The following DPYD variants were observed in gnomAD, a reference collection of about 807,000 sequenced individuals.
The protein encoded by DPYD is dihydropyrimidine dehydrogenase.
DPYD carries 109 observed loss-of-function variants against 116.2 expected under a neutral mutation model. The ratio of observed to expected loss-of-function variants is 0.94; its 90% confidence interval spans 0.80 to 1.10. DPYD has a LOEUF of 1.10. Among genes scored for constraint, DPYD ranks in the 50% least tolerant of loss-of-function variants. The probability of loss-of-function intolerance (pLI) is 0.00; values close to 1 mark genes in which losing one functional copy is unlikely to be tolerated. For missense variants in DPYD, 1,302 were observed against 1,254.5 expected (o/e 1.04, Z -0.57); for synonymous variants, 440 against 432.0 (o/e 1.02, Z -0.23).
At chr1:97,530,957 T>C (rs563387615) in intron 12 of DPYD, among the ~76,000 whole-genome samples, 11 of 152,332 alleles carry the variant, frequency 7.2e-5, no homozygotes, top group African/African-American at 2.2e-4. Flanking sequence ...ATTTTTAAAA[T>C]TGGACTATTT....
At chr1:97,413,503 A>C (rs1214383796) in intron 14 of DPYD, among the ~76,000 whole-genome samples, 1 of 152,072 alleles carries the variant, frequency 6.6e-6, no homozygotes, top group Admixed American at 6.6e-5. Context: ...TGGCTCTGTC[A>C]CCCAGGCTGG....
chr1:97,754,113 T>C (rs1229982628), intron 3 of DPYD, among the ~76,000 whole-genome samples: 2 of 152,202 alleles, frequency 1.3e-5, no homozygotes, highest in East Asian at 1.9e-4. Context: ...TTAATGAATA[T>C]GGGTGAAAAA....
At chr1:97,738,581 C>G (rs1664088742) in intron 4 of DPYD, among the ~76,000 whole-genome samples, 1 of 152,042 alleles carries the variant, frequency 6.6e-6, no homozygotes, top group Admixed American at 6.6e-5. Flanking sequence ...TGTGGGACAG[C>G]CTACATTGTA....
intron 1 of DPYD, among the ~76,000 whole-genome samples, chr1:97,919,539 T>C (rs566521690): frequency 6.6e-6 from 1 of 152,314 alleles, no homozygotes; most frequent in South Asian, 2.1e-4. Context: ...CTTAAATCAA[T>C]ACTGCCTTAA....
At chr1:97,874,189 T>C (rs1199263823) in intron 2 of DPYD, among the ~76,000 whole-genome samples, 1 of 151,914 alleles carries the variant, frequency 6.6e-6, no homozygotes, top group Non-Finnish European at 1.5e-5. Flanking sequence ...AATCCTTTGT[T>C]AGATGCACTC....
chr1:97,675,028 G>A (rs1660066883), intron 8 of DPYD, among the ~76,000 whole-genome samples: 1 of 152,224 alleles, frequency 6.6e-6, no homozygotes, highest in South Asian at 2.1e-4. Context: ...CAGTGTGAAC[G>A]TGCAAGCACA....
At chr1:97,767,775 T>TGCA (rs71311932) in intron 3 of DPYD, among the ~76,000 whole-genome samples, 4 of 148,182 alleles carry the variant, frequency 2.7e-5, no homozygotes, top group African/African-American at 7.7e-5. Flanking sequence ...TTTTTTTTTT[T>TGCA]GCAGCAGTTA....
At chr1:97,423,354 A>G (rs978921415) in intron 14 of DPYD, among the ~76,000 whole-genome samples, 26 of 152,050 alleles carry the variant, frequency 1.7e-4, no homozygotes, top group Non-Finnish European at 7.4e-5. Flanking sequence ...CCAAGTGGAA[A>G]GAGGGGTGTG....
intron 1 of DPYD, among the ~76,000 whole-genome samples, chr1:97,900,217 G>A (rs757620624): frequency 3.3e-5 from 5 of 151,864 alleles, no homozygotes; most frequent in Admixed American, 6.6e-5. Flanking sequence ...TATCAGAATG[G>A]AAAGACAGAA....
intron 5 of DPYD, among the ~76,000 whole-genome samples, chr1:97,718,765 A>C (rs1316705790): frequency 6.6e-6 from 1 of 151,408 alleles, no homozygotes; most frequent in Non-Finnish European, 1.5e-5. Flanking sequence ...TTTTCCAACA[A>C]TTCATTAATT....
Position 97,169,493 on chromosome 1 carries a change from T to C in DPYD, c.2622+23576A>G, listed in dbSNP as rs1169579708. Among the ~76,000 whole-genome samples the C allele has an allele frequency of 1.8e-4, 26 of 145,078 alleles. No individual in the cohort carries two copies. The Admixed American group carries it at 1.9e-3, about 10-fold the overall frequency. ...TGTGCTTCCAGATGCCTATGATAAT[T>C]GATTAGATTTTTTTGATATATTGGG... On this transcript the variant is annotated intron_variant, in intron 20 of 22. Transcript: ENST00000370192.
At chr1:97,477,498 GGGT>G (rs1678033331) in intron 13 of DPYD, among the ~76,000 whole-genome samples, 1 of 152,018 alleles carries the variant, frequency 6.6e-6, no homozygotes, top group Non-Finnish European at 1.5e-5. Flanking sequence ...GGCTACTGTA[GGGT>G]TATTAATTGG....
chr1:97,684,978 C>A, intron 7 of DPYD, among the ~76,000 whole-genome samples: 1 of 152,158 alleles, frequency 6.6e-6, no homozygotes, highest in East Asian at 1.9e-4. Context: ...CAAGGGACTT[C>A]TCCCTAACTC....
chr1:97,466,039 C>T (rs10783067), intron 13 of DPYD, among the ~76,000 whole-genome samples: 123,256 of 152,074 alleles, frequency 0.81, 50,372 homozygotes, highest in Non-Finnish European at 0.87. Flanking sequence ...AGGAAGAGGC[C>T]GCAGTAAGCT....
intron 10 of DPYD, among the ~76,000 whole-genome samples, chr1:97,578,642 A>G (rs1653436759): frequency 6.7e-6 from 1 of 148,424 alleles, no homozygotes; most frequent in Non-Finnish European, 1.5e-5. Flanking sequence ...TATATTTGAA[A>G]TAATGAGACT....
intron 14 of DPYD, among the ~76,000 whole-genome samples, chr1:97,409,933 C>T (rs1484076791): frequency 1.3e-5 from 2 of 151,944 alleles, no homozygotes; most frequent in Non-Finnish European, 2.9e-5. Context: ...CAAAAATTAG[C>T]TGGGTATGGT....
intron 8 of DPYD, among the ~76,000 whole-genome samples, chr1:97,606,456 C>A (rs887694686): frequency 6.6e-6 from 1 of 151,866 alleles, no homozygotes; most frequent in Non-Finnish European, 1.5e-5. Context: ...CATTCTAAAG[C>A]TGAGTCTTAA....
At chr1:97,497,187 T>C (rs916344686) in intron 13 of DPYD, among the ~76,000 whole-genome samples, 2 of 151,954 alleles carry the variant, frequency 1.3e-5, no homozygotes, top group Non-Finnish European at 2.9e-5. Context: ...ATCTACAGTA[T>C]ATTAAATGCT....
At chr1:97,336,419 T>C (rs1480714550) in intron 16 of DPYD, among the ~76,000 whole-genome samples, 2 of 152,154 alleles carry the variant, frequency 1.3e-5, no homozygotes, top group Non-Finnish European at 2.9e-5. Flanking sequence ...TAAGTGTTTG[T>C]AGAATGAATG....
Sources: gnomAD v4.1 joint callset for allele counts (sites outside exome capture counted in the v4.1 genomes callset) on GRCh38, gnomAD v4.1.1 for gene constraint, MANE v1.5 for transcripts, NCBI Gene and HGNC (gene_info 2026-07-23, HGNC 2026-07-21) for gene names.